The following SMCO2 variants were observed in gnomAD, a reference collection of about 807,000 sequenced individuals.
The protein encoded by SMCO2 is single-pass membrane and coiled-coil domain-containing protein 2.
A neutral mutation model predicts 29.5 loss-of-function variants in SMCO2; 25 were observed. That is an observed-to-expected ratio of 0.85 (90% CI 0.62 to 1.18). The LOEUF (loss-of-function observed/expected upper bound fraction) is 1.18. Among genes scored for constraint, SMCO2 ranks in the 50% most tolerant of loss-of-function variants. The pLI, the probability that SMCO2 is intolerant of heterozygous loss-of-function variation, is 0.00. For synonymous variants in SMCO2, 117 were observed against 123.3 expected (o/e 0.95, Z 0.34); for missense variants, 348 against 344.5 (o/e 1.01, Z -0.08).
intron 4 of SMCO2, among the ~76,000 whole-genome samples, chr12:27,485,450 G>GC (rs1484918113): frequency 8.3e-5 from 11 of 132,030 alleles, no homozygotes; most frequent in African/African-American, 2.8e-4. Flanking sequence ...ATTTTTTTAA[G>GC]TTTTTTTTTT....
At chr12:27,440,313 G>T in the SMCO2 span, among the ~76,000 whole-genome samples, 1 of 152,200 alleles carries the variant, frequency 6.6e-6, no homozygotes, top group East Asian at 1.9e-4. Flanking sequence ...AAAGCTGAGA[G>T]AATTCACCAA....
At chr12:27,425,673 AAGAGAGCCTCTCT>A in the SMCO2 span, among the ~76,000 whole-genome samples, 1 of 152,188 alleles carries the variant, frequency 6.6e-6, no homozygotes, top group Non-Finnish European at 1.5e-5. Context: ...TTTCAGTGGA[AAGAGAGCCTCTCT>A]ATTTCCTAGT....
chr12:27,454,971 C>G, the SMCO2 span, among the ~76,000 whole-genome samples: 69 of 152,266 alleles, frequency 4.5e-4, no homozygotes, highest in Admixed American at 2.0e-3. Flanking sequence ...GCATGGCCTT[C>G]CATTATCATA....
chr12:27,478,377 G>C (rs1235508367), intron 4 of SMCO2, among the ~76,000 whole-genome samples: 1 of 152,046 alleles, frequency 6.6e-6, no homozygotes, highest in Non-Finnish European at 1.5e-5. Flanking sequence ...GTCTGGGTGG[G>C]CCAGATCTTT....
At chr12:27,481,063 C>A (rs975154559) in intron 4 of SMCO2, among the ~76,000 whole-genome samples, 14 of 152,144 alleles carry the variant, frequency 9.2e-5, no homozygotes, top group African/African-American at 3.4e-4. Flanking sequence ...TGACTGCATG[C>A]TGGATTCAGT....
chr12:27,432,761 A>T, the SMCO2 span, among the ~76,000 whole-genome samples: 4 of 152,204 alleles, frequency 2.6e-5, no homozygotes, highest in African/African-American at 9.7e-5. Context: ...AACACTTCCA[A>T]AAGCATATTC....
the SMCO2 span, among the ~76,000 whole-genome samples, chr12:27,428,318 C>A: frequency 2.0e-5 from 3 of 152,050 alleles, no homozygotes; most frequent in Non-Finnish European, 2.9e-5. Flanking sequence ...CAACCTACAC[C>A]CAGGAATGAA....
intron 4 of SMCO2, among the ~76,000 whole-genome samples, 170 bp downstream of exon 4, chr12:27,475,083 G>T (rs529601074): frequency 6.6e-6 from 1 of 152,264 alleles, no homozygotes; most frequent in South Asian, 2.1e-4. Flanking sequence ...CAATAATGTG[G>T]TGTAAGGACA....
the SMCO2 span, among the ~76,000 whole-genome samples, chr12:27,433,506 T>C: frequency 4.1e-5 from 6 of 147,976 alleles, 1 homozygote; most frequent in East Asian, 2.0e-4. Flanking sequence ...CAGATGTGTA[T>C]ACACACACAC....
At chr12:27,463,605 C>T (rs1009401457), upstream of SMCO2, among the ~76,000 whole-genome samples, 1 of 152,096 alleles carries the variant, frequency 6.6e-6, no homozygotes, top group African/African-American at 2.4e-5. Context: ...AAAGCACAAT[C>T]CATGAAGCAC....
intron 4 of SMCO2, among the ~76,000 whole-genome samples, chr12:27,485,817 A>C (rs1047676883): frequency 6.6e-6 from 1 of 152,120 alleles, no homozygotes; most frequent in Non-Finnish European, 1.5e-5. Context: ...AATGCCAGAC[A>C]TTGTCAATTT....
chr12:27,477,792 C>T (rs1338783428), intron 4 of SMCO2, among the ~76,000 whole-genome samples: 1 of 151,890 alleles, frequency 6.6e-6, no homozygotes, highest in Non-Finnish European at 1.5e-5. Context: ...CTGTTTGACT[C>T]AGATTATGAA....
chr12:27,462,198 G>A (rs964039459), upstream of SMCO2, among the ~76,000 whole-genome samples: 7 of 152,026 alleles, frequency 4.6e-5, no homozygotes, highest in African/African-American at 1.7e-4. Flanking sequence ...CCCTAATTTC[G>A]TTCATTCGAC....
At chr12:27,496,861 C>T (rs892104443) in intron 7 of SMCO2, 1 of 150,802 alleles carries the variant, frequency 6.6e-6, no homozygotes, top group Non-Finnish European at 1.5e-5. Flanking sequence ...TCCTAATACT[C>T]CAAGGGATAC....
intron 1 of SMCO2, chr12:27,467,035 G>A (rs907053591): frequency 1.3e-5 from 2 of 152,058 alleles, no homozygotes; most frequent in Non-Finnish European, 2.9e-5. Context: ...CTATAGTGAC[G>A]TCGAATCCCT....
chr12:27,491,499 T>C (rs1204392891), intron 5 of SMCO2, among the ~76,000 whole-genome samples: 1 of 152,172 alleles, frequency 6.6e-6, no homozygotes, highest in African/African-American at 2.4e-5. Flanking sequence ...AGCTCCTCTC[T>C]AAATAATTAA....
Position 27,472,996 on chromosome 12 carries a change from G to A in SMCO2, c.234+121G>A, listed in dbSNP as rs924688037. On this transcript the variant is annotated intron_variant, in intron 3 of 7. Transcript: ENST00000298876. Reference sequence around the variant, plus strand: ...ATCTGAGGGTTTTCTTCTAATTGGTGCAGAACTTCAAAGCTTGAAATCAGG... The same window carrying A: ...ATCTGAGGGTTTTCTTCTAATTGGTACAGAACTTCAAAGCTTGAAATCAGG... 8.3e-5 allele frequency: 61 copies of A among 732,722 alleles called. 1 individual carries two copies. In the Middle Eastern group the frequency reaches 1.5e-3, roughly 18 times the overall value. The allele number at this position is 732,722 out of a possible 1,614,324, so 45.4% of individuals were successfully genotyped here.
chr12:27,495,886 G>A, intron 7 of SMCO2, 31 bp downstream of exon 8: 3 of 1,383,480 alleles, frequency 2.2e-6, no homozygotes, highest in Non-Finnish European at 9.5e-7. Flanking sequence ...ATTCAGGGCT[G>A]GATGACTGCC....
chr12:27,453,526 G>A, the SMCO2 span, among the ~76,000 whole-genome samples: 3 of 152,332 alleles, frequency 2.0e-5, no homozygotes, highest in South Asian at 2.1e-4. Flanking sequence ...TCCCCACGCT[G>A]CAGAATTTCA....
Sources: allele counts gnomAD v4.1 joint callset (sites outside exome capture counted in the v4.1 genomes callset), GRCh38; gene constraint gnomAD v4.1.1; transcripts MANE v1.5; gene names NCBI Gene and HGNC (gene_info 2026-07-23, HGNC 2026-07-21).